Variants in RARB observed in about 807,000 individuals in gnomAD.
RARB encodes the protein retinoic acid receptor beta.
In RARB, 17 loss-of-function variants were observed where a neutral mutation model predicts 51.9. The observed-to-expected ratio is 0.33, with a 90% confidence interval of 0.22 to 0.49. The LOEUF (loss-of-function observed/expected upper bound fraction) is 0.49. Ranked by LOEUF, RARB falls within the 20% of genes least tolerant of loss-of-function variation. The pLI, the probability that RARB is intolerant of heterozygous loss-of-function variation, is 0.99. For missense variants in RARB, 369 were observed against 550.8 expected, an observed-to-expected ratio of 0.67 and a Z score of 3.30; for synonymous variants, 215 against 195.4, an observed-to-expected ratio of 1.10 and a Z score of -0.84.
intron 2 of RARB, among the ~76,000 whole-genome samples, chr3:24,883,356 T>TTG (rs3057218): frequency 0.091 from 13,059 of 143,654 alleles, 682 homozygotes; most frequent in African/African-American, 0.15. Flanking sequence ...TCAACAATCA[T>TTG]TGTGTGTGTG....
At chr3:25,208,854 G>T (rs1293509645) in intron 5 of RARB, among the ~76,000 whole-genome samples, 1 of 152,128 alleles carries the variant, frequency 6.6e-6, no homozygotes, top group East Asian at 1.9e-4. Flanking sequence ...CTCCTGGGAA[G>T]CGCCTGCCTA....
intron 5 of RARB, among the ~76,000 whole-genome samples, chr3:25,196,852 G>A (rs1183327782): frequency 6.6e-6 from 1 of 152,094 alleles, no homozygotes; most frequent in East Asian, 1.9e-4. Context: ...GTGTCTTTTG[G>A]CTGCATAAAT....
chr3:25,521,516 C>T (rs143719357), intron 3 of RARB, among the ~76,000 whole-genome samples: 1 of 152,252 alleles, frequency 6.6e-6, no homozygotes, highest in African/African-American at 2.4e-5. Context: ...TATGAGAATC[C>T]ACTGGAGCTT....
chr3:24,859,036 CAAAAA>C (rs1169235713), intron 2 of RARB, among the ~76,000 whole-genome samples: 1 of 50,316 alleles, frequency 2.0e-5, no homozygotes, highest in African/African-American at 6.5e-5. Flanking sequence ...GACTCTGTCT[CAAAAA>C]AAAAAAAAAA....
At chr3:25,397,197 G>A (rs953735366) in intron 5 of RARB, among the ~76,000 whole-genome samples, 1 of 152,106 alleles carries the variant, frequency 6.6e-6, no homozygotes, top group African/African-American at 2.4e-5. Flanking sequence ...GGCTTCCCTG[G>A]GGACTGTGTG....
chr3:24,885,988 G>A (rs1347347356), intron 2 of RARB, among the ~76,000 whole-genome samples: 2 of 152,038 alleles, frequency 1.3e-5, no homozygotes, highest in Non-Finnish European at 2.9e-5. Context: ...GACTTTCAAG[G>A]GTAATCTTGC....
chr3:25,573,512 G>A (rs780138951), intron 4 of RARB, among the ~76,000 whole-genome samples: 3 of 152,318 alleles, frequency 2.0e-5, no homozygotes, highest in South Asian at 4.1e-4. Flanking sequence ...GGTGGAGGGC[G>A]CTCTGAGCCA....
At chr3:25,204,606 G>T (rs1701484603) in intron 5 of RARB, among the ~76,000 whole-genome samples, 1 of 152,140 alleles carries the variant, frequency 6.6e-6, no homozygotes, top group Non-Finnish European at 1.5e-5. Context: ...GGGTTTTGGT[G>T]TGGATGTCCT....
intron 5 of RARB, among the ~76,000 whole-genome samples, chr3:25,332,141 T>C (rs779586604): frequency 2.0e-5 from 3 of 152,006 alleles, no homozygotes; most frequent in Non-Finnish European, 4.4e-5. Context: ...TTCCAATCAA[T>C]AGAAAAAGAG....
chr3:25,318,619 T>C (rs1218832116), intron 5 of RARB, among the ~76,000 whole-genome samples: 1 of 152,192 alleles, frequency 6.6e-6, no homozygotes, highest in Non-Finnish European at 1.5e-5. Context: ...ATCCATTATC[T>C]AGAACAATGA....
chr3:25,496,007 C>A (rs1697011338), intron 2 of RARB, among the ~76,000 whole-genome samples: 1 of 152,188 alleles, frequency 6.6e-6, no homozygotes, highest in Non-Finnish European at 1.5e-5. Context: ...CAACTCAGAT[C>A]AGTGTGTCTG....
intron 5 of RARB, among the ~76,000 whole-genome samples, chr3:25,221,092 C>CA (rs1488155626): frequency 6.7e-6 from 1 of 149,216 alleles, no homozygotes; most frequent in African/African-American, 2.6e-5. Context: ...TTCCAAAAGA[C>CA]AAAAAAAGAA....
chr3:25,018,005 C>T (rs1233800096), intron 2 of RARB, among the ~76,000 whole-genome samples: 1 of 152,140 alleles, frequency 6.6e-6, no homozygotes, highest in East Asian at 1.9e-4. Context: ...CCAATTTGCT[C>T]ACACCTTGGT....
chr3:25,103,176 T>C (rs1276501703), intron 3 of RARB, among the ~76,000 whole-genome samples: 1 of 152,186 alleles, frequency 6.6e-6, no homozygotes, highest in Non-Finnish European at 1.5e-5. Flanking sequence ...TGTTCTGCAT[T>C]GCTTTCTTTG....
At position 25,538,460 on chromosome 3, in the gene RARB, C is replaced by T. The variant is rs140103641; in HGVS notation, c.449-31298C>T. Among the ~76,000 whole-genome samples the T allele has an allele frequency of 1.3e-3, 204 of 152,162 alleles. 2 individuals carry two copies. The highest frequency in any genetic ancestry group is 4.4e-3 in the African/African-American group (181 of 41,516). The stretch of plus-strand genomic sequence containing the variant: ...TAAAATGTATTAAGATATAGAATTA[C>T]GTTCATAATAATATTCTTCAACAGT... On this transcript the variant is annotated intron_variant, in intron 3 of 7. Coordinates refer to ENST00000330688, the MANE Select transcript of RARB (RefSeq NM_000965.5).
Position 25,102,495 on chromosome 3 carries a change from G to A in RARB, c.-327-29666G>A, listed in dbSNP as rs147852617. ...GCAGAGACTGCAGTGAGCCAAGATCGTGCCATTGCACTCCAGCCTGGACGA... is the reference window on the plus strand; with the variant it reads ...GCAGAGACTGCAGTGAGCCAAGATCATGCCATTGCACTCCAGCCTGGACGA... On this transcript the variant is annotated intron_variant, in intron 3 of 11. Transcript: ENST00000383772. Among the ~76,000 whole-genome samples the A allele has an allele frequency of 6.6e-3, 997 of 151,974 alleles. 7 individuals are homozygous for A. Among genetic ancestry groups the A allele is most frequent in the African/African-American group, 0.022 (925 of 41,442 alleles).
intron 5 of RARB, among the ~76,000 whole-genome samples, chr3:25,223,498 T>G (rs1701991491): frequency 6.6e-6 from 1 of 152,230 alleles, no homozygotes; most frequent in African/African-American, 2.4e-5. Context: ...ATTTTTTTAA[T>G]ACTTTACAAT....
intron 2 of RARB, among the ~76,000 whole-genome samples, chr3:24,905,896 A>G (rs541361322): frequency 6.6e-6 from 1 of 152,334 alleles, no homozygotes; most frequent in South Asian, 2.1e-4. Flanking sequence ...ATTATATTTC[A>G]TCCATCGAAG....
At chr3:25,047,243 T>G (rs76263202) in intron 2 of RARB, among the ~76,000 whole-genome samples, 1 of 152,158 alleles carries the variant, frequency 6.6e-6, no homozygotes, top group Non-Finnish European at 1.5e-5. Context: ...CCTGGGAGAT[T>G]AGAATGGCAA....
Sources: gnomAD v4.1 joint callset for allele counts (sites outside exome capture counted in the v4.1 genomes callset) on GRCh38, gnomAD v4.1.1 for gene constraint, MANE v1.5 for transcripts, NCBI Gene and HGNC (gene_info 2026-07-23, HGNC 2026-07-21) for gene names.